Variants in NBPF9 observed in about 807,000 individuals in gnomAD.
The protein encoded by NBPF9 is NBPF member 9.
In NBPF9, 91 loss-of-function variants were observed where a neutral mutation model predicts 97.8. The observed-to-expected ratio is 0.93, with a 90% CI of 0.79 to 1.11. NBPF9 has a LOEUF of 1.11. Among genes scored for constraint, NBPF9 ranks in the 50% least tolerant of loss-of-function variants. The probability of loss-of-function intolerance (pLI) is 0.00; values close to 1 mark genes in which losing one functional copy is unlikely to be tolerated. For synonymous variants in NBPF9, 334 were observed against 359.5 expected, an observed-to-expected ratio of 0.93 and a Z score of 0.80; for missense variants, 992 against 939.5, an observed-to-expected ratio of 1.06 and a Z score of -0.73.
intron 1 of NBPF9, 79 bp downstream of exon 1, chr1:149,103,222 C>T (rs1380815140): frequency 2.0e-5 from 3 of 150,122 alleles, no homozygotes; most frequent in African/African-American, 4.9e-5. Context: ...ACAAAGCTTG[C>T]GACAGCCGCA....
At chr1:149,089,109 C>T (rs2081239430) in intron 5 of NBPF9, among the ~76,000 whole-genome samples, 1 of 152,076 alleles carries the variant, frequency 6.6e-6, no homozygotes, top group African/African-American at 2.4e-5. Context: ...TCTACTCTTC[C>T]AGAACCCTGT....
chr1:149,085,516 A>G (rs1470214775), intron 5 of NBPF9, among the ~76,000 whole-genome samples: 46 of 152,292 alleles, frequency 3.0e-4, no homozygotes, highest in African/African-American at 1.1e-3. Context: ...AGAAATAATA[A>G]GCAGAATTGT....
Position 149,055,708 on chromosome 1 carries a change from G to C in NBPF9, c.3284C>G (p.Thr1095Arg), listed in dbSNP as rs587663882. ...GAACACCAGGTGGAGACTTGTCACC[G>C]TCAAAGTAAAAAACCTATTGTCCAC... The change falls in exon 30 of 30, where the codon ACG becomes AGG. Residue 1095 changes from threonine to arginine, a missense_variant. Thr to Arg is a moderately conservative substitution (Grantham distance 71). This residue lies in a region of NBPF9 where 397 missense variants were observed against 213.6 expected (regional missense o/e 1.86). Coordinates refer to ENST00000584027, the Ensembl canonical transcript of NBPF9. 6.2e-6 allele frequency: 10 copies of C among 1,603,372 alleles called. No individual in the cohort carries two copies. The Admixed American group carries it at 1.5e-4, about 24-fold the overall frequency.
chr1:149,082,215 G>T (rs1294674162), intron 6 of NBPF9, 41 bp from the exon 7 acceptor site: 2 of 1,563,410 alleles, frequency 1.3e-6, no homozygotes, highest in Admixed American at 1.7e-5. Context: ...GTTAAAAACT[G>T]GTGAAATCAA....
chr1:149,075,745 C>G lies in NBPF9; in HGVS notation c.898G>C (p.Ala300Pro), dbSNP rs782425930. 1.8e-5 allele frequency: 28 copies of G among 1,598,030 alleles called. No individual in the cohort carries two copies. The South Asian group carries it at 2.9e-4, about 16-fold the overall frequency. Reference sequence around the variant, plus strand: ...TTTCTGAACTGCTGTTTCTTCTCTGCCAGCTGGGGGCGCAATTTCTCATTG... The same window carrying G: ...TTTCTGAACTGCTGTTTCTTCTCTGGCAGCTGGGGGCGCAATTTCTCATTG... Residue 300 changes from alanine to proline, a missense_variant, in exon 12 of 30, where the codon GCA becomes CCA. By Grantham distance (27) the Ala-to-Pro change is conservative (BLOSUM62 -1). This residue lies in a region of NBPF9 where 23 missense variants were observed against 24.9 expected (regional missense o/e 0.92). Coordinates refer to ENST00000584027, the Ensembl canonical transcript of NBPF9.
chr1:149,081,570 G>A (rs74827982), intron 7 of NBPF9, among the ~76,000 whole-genome samples: 5 of 152,018 alleles, frequency 3.3e-5, no homozygotes, highest in East Asian at 1.9e-4. Flanking sequence ...GGGCCTCAAC[G>A]GAAATTTGAA....
intron 4 of NBPF9, among the ~76,000 whole-genome samples, chr1:149,095,739 T>A: frequency 6.6e-6 from 1 of 151,992 alleles, no homozygotes. Flanking sequence ...GAATTGCACA[T>A]TAAAACAACG....
chr1:149,073,592 A>G (rs2079588490), intron 13 of NBPF9, among the ~76,000 whole-genome samples, 176 bp downstream of exon 13: 1 of 149,994 alleles, frequency 6.7e-6, no homozygotes, highest in South Asian at 2.2e-4. Flanking sequence ...ACTGCAACCC[A>G]TACATTTTTA....
chr1:149,067,565 G>GT (rs1206394008), intron 17 of NBPF9, among the ~76,000 whole-genome samples: 4 of 149,140 alleles, frequency 2.7e-5, no homozygotes, highest in Non-Finnish European at 5.9e-5. Flanking sequence ...GCGGTATTTG[G>GT]TTTTTTGTCC....
At chr1:149,060,971 A>G (rs1569596784) in intron 23 of NBPF9, 1 of 418,528 alleles carries the variant, frequency 2.4e-6, no homozygotes, top group Non-Finnish European at 4.3e-6. Context: ...TCCAGATGAC[A>G]CACTGATGAG....
Position 149,059,932 on chromosome 1 carries a change from G to A in NBPF9, c.2477-124C>T. 4.7e-6 allele frequency: 2 copies of A among 428,278 alleles called. 1 individual carries two copies. Among genetic ancestry groups the A allele is most frequent in the African/African-American group, 5.4e-5 (2 of 37,204 alleles). The allele number at this position is 428,278 out of a possible 1,614,324, so 26.5% of individuals were successfully genotyped here. On this transcript the variant is annotated intron_variant, in intron 24 of 29. Coordinates refer to ENST00000584027, the Ensembl canonical transcript of NBPF9. ...AGCATAAGAATAGGACACTGTGAGA[G>A]ATATATTTCAGGAGGCCTGAAGGCT...
At chr1:149,055,238 G>A (rs1398604375) in exon 30 of NBPF9, 11 of 292,654 alleles carry the variant, frequency 3.8e-5, no homozygotes, top group Non-Finnish European at 6.4e-5. Flanking sequence ...AGCCAACACT[G>A]AAGACACGAA....
At chr1:149,098,071 G>A (rs2938646) in intron 4 of NBPF9, among the ~76,000 whole-genome samples, 5 of 151,532 alleles carry the variant, frequency 3.3e-5, no homozygotes, top group East Asian at 2.0e-4. Context: ...AGCTGAAGAG[G>A]AGAAAGCAGG....
chr1:149,058,852 A>T (rs1201220598), intron 26 of NBPF9, 73 bp downstream of exon 26: 14 of 701,408 alleles, frequency 2.0e-5, no homozygotes, highest in Middle Eastern at 3.8e-4. Context: ...AGTAAGGGCC[A>T]CTTGGAACAG....
intron 19 of NBPF9, among the ~76,000 whole-genome samples, chr1:149,064,108 C>A (rs1324036813): frequency 1.4e-5 from 2 of 138,768 alleles, no homozygotes; most frequent in Non-Finnish European, 3.1e-5. Context: ...TATTTGTGCT[C>A]TCAGGACACA....
exon 12 of NBPF9, chr1:149,075,684 C>A (rs781926322): frequency 1.9e-6 from 3 of 1,610,562 alleles, no homozygotes; most frequent in Non-Finnish European, 2.5e-6. Flanking sequence ...GGCCAGGAAG[C>A]CGGCCAGTTG....
At chr1:149,078,876 G>C in intron 9 of NBPF9, 131 bp downstream of exon 9, 3 of 1,535,042 alleles carry the variant, frequency 2.0e-6, no homozygotes, top group Non-Finnish European at 2.7e-6. Context: ...AGGAAGTCCT[G>C]ATCGTGTCAT....
exon 30 of NBPF9, chr1:149,055,386 C>G: frequency 3.1e-6 from 2 of 636,272 alleles, no homozygotes; most frequent in South Asian, 2.1e-5. Context: ...TGTAGCTACC[C>G]AGAGATACGT....
At chr1:149,071,028 T>C in exon 16 of NBPF9, 2 of 1,611,824 alleles carry the variant, frequency 1.2e-6, no homozygotes, top group Non-Finnish European at 1.7e-6. Context: ...TGATTTTGGT[T>C]TTCCTATGTG....
Sources: allele counts gnomAD v4.1 joint callset (sites outside exome capture counted in the v4.1 genomes callset), GRCh38; gene constraint gnomAD v4.1.1; regional missense constraint gnomAD v4.1.1; transcripts MANE v1.5; gene names NCBI Gene and HGNC (gene_info 2026-07-23, HGNC 2026-07-21).